TAF1B: variants seen among roughly 807,000 people sequenced by gnomAD.
The protein encoded by TAF1B is TATA-box binding protein associated factor, RNA polymerase I subunit B.
In TAF1B, 61 loss-of-function variants were observed where a neutral mutation model predicts 83.9. That is an observed-to-expected ratio of 0.73 (90% CI 0.59 to 0.90). TAF1B has a LOEUF of 0.90. TAF1B is among the 40% of genes least tolerant of loss of function. TAF1B has a pLI of 0.00. For synonymous variants in TAF1B, 221 were observed against 224.6 expected (o/e 0.98, Z 0.14); for missense variants, 625 against 677.0 (o/e 0.92, Z 0.85).
intron 4 of TAF1B, chr2:9,852,249 TCTTTGA>T: frequency 5.0e-6 from 1 of 201,126 alleles, no homozygotes; most frequent in Non-Finnish European, 1.0e-5. Context: ...TGGGGACCAC[TCTTTGA>T]CTTTGCTGCC....
chr2:9,866,161 G>A (rs1304321701), intron 5 of TAF1B, among the ~76,000 whole-genome samples: 1 of 150,220 alleles, frequency 6.7e-6, no homozygotes, highest in Non-Finnish European at 1.5e-5. Context: ...CCTACAGAAT[G>A]GGAGAAAATT....
intron 14 of TAF1B, among the ~76,000 whole-genome samples, chr2:9,921,223 C>T (rs1665868819): frequency 6.6e-6 from 1 of 152,110 alleles, no homozygotes; most frequent in Non-Finnish European, 1.5e-5. Context: ...TTCCAAGTAG[C>T]TGGAACTACA....
chr2:9,882,916 A>T, intron 8 of TAF1B, 111 bp downstream of exon 8: 4 of 683,344 alleles, frequency 5.9e-6, no homozygotes, highest in Non-Finnish European at 9.7e-6. Context: ...TTATCCCAAT[A>T]TGGAACATCA....
rs1664552747 is a variant in TAF1B at position 9,882,824 on chromosome 2, T to C, written c.807+19T>C. 6.5e-7 allele frequency: 1 copy of C among 1,533,890 alleles called. No homozygotes were observed. Among genetic ancestry groups the C allele is most frequent in the Admixed American group, 1.8e-5 (1 of 54,464 alleles). ...TATAGAGGTAAGTTATTTTCTTTTT[T>C]ACTTTCTAGTCTCTGATAAGGCACA... On this transcript the variant is annotated intron_variant, in intron 8 of 14. Coordinates refer to ENST00000263663, the MANE Select transcript of TAF1B (RefSeq NM_005680.3).
chr2:9,885,517 C>A (rs1280470244), intron 8 of TAF1B, among the ~76,000 whole-genome samples: 2 of 152,124 alleles, frequency 1.3e-5, no homozygotes, highest in Non-Finnish European at 1.5e-5. Flanking sequence ...CTGGTTTCAC[C>A]CTTAGAACAA....
At chr2:9,897,577 G>T (rs979297427) in intron 8 of TAF1B, among the ~76,000 whole-genome samples, 3 of 152,254 alleles carry the variant, frequency 2.0e-5, no homozygotes, top group Admixed American at 6.5e-5. Flanking sequence ...AACCCACTGC[G>T]TGGCACTTAG....
intron 8 of TAF1B, among the ~76,000 whole-genome samples, chr2:9,890,067 T>G (rs1478974538): frequency 6.6e-6 from 1 of 152,186 alleles, no homozygotes. Context: ...GTACTAAGCT[T>G]GCAAATTTTA....
chr2:9,879,169 T>G (rs2125152855), intron 7 of TAF1B, among the ~76,000 whole-genome samples: 1 of 152,352 alleles, frequency 6.6e-6, no homozygotes, highest in Admixed American at 6.5e-5. Context: ...AATTTATAAG[T>G]TAGGCATAGT....
intron 3 of TAF1B, among the ~76,000 whole-genome samples, chr2:9,849,877 T>G (rs1333149914): frequency 6.6e-6 from 1 of 152,186 alleles, no homozygotes; most frequent in African/African-American, 2.4e-5. Flanking sequence ...TTGAGAAGGA[T>G]CTTAGGTAAA....
intron 8 of TAF1B, among the ~76,000 whole-genome samples, chr2:9,887,980 G>GTAGCT (rs1310516236): frequency 6.6e-6 from 1 of 151,918 alleles, no homozygotes; most frequent in African/African-American, 2.4e-5. Flanking sequence ...AGCCTCCCTA[G>GTAGCT]TAGCTAGGAC....
At chr2:9,854,475 A>T (rs1199502164) in intron 5 of TAF1B, 54 bp downstream of exon 5, 1 of 1,322,730 alleles carries the variant, frequency 7.6e-7, no homozygotes, top group Non-Finnish European at 1.1e-6. Flanking sequence ...TGAGATGTAG[A>T]GATGAAGATG....
chr2:9,904,623 GC>G lies in TAF1B; in HGVS notation c.808-235del, dbSNP rs1414758119. On this transcript the variant is annotated intron_variant, in intron 8 of 14. Coordinates refer to ENST00000263663, the MANE Select transcript of TAF1B (RefSeq NM_005680.3). Reference sequence around the variant, plus strand: ...TATATATCCAGTAATAGGTTTGCTGGCTTGAATGGCAGCTCTGTTTTAAGTT... The same window carrying G: ...TATATATCCAGTAATAGGTTTGCTGGTTGAATGGCAGCTCTGTTTTAAGTT... 2.6e-5 allele frequency among the ~76,000 whole-genome samples: 4 copies of G among 152,284 alleles called. No individual in the cohort carries two copies. In the South Asian group the frequency reaches 8.3e-4, roughly 32 times the overall value.
chr2:9,851,970 A>C (rs778608473), intron 4 of TAF1B: 77 of 494,882 alleles, frequency 1.6e-4, no homozygotes, highest in Admixed American at 3.0e-4. Context: ...ATTTCCAGGG[A>C]ATGTCCTGTG....
intron 5 of TAF1B, among the ~76,000 whole-genome samples, chr2:9,860,083 G>T (rs1034146993): frequency 5.3e-5 from 8 of 152,138 alleles, no homozygotes; most frequent in Admixed American, 3.3e-4. Context: ...AAAACAGTCA[G>T]ATCTCATGAG....
intron 14 of TAF1B, among the ~76,000 whole-genome samples, chr2:9,933,140 T>C (rs1338528442): frequency 6.6e-6 from 1 of 152,204 alleles, no homozygotes; most frequent in African/African-American, 2.4e-5. Flanking sequence ...CCCGCCCTGC[T>C]TCGGCTCACC....
intron 8 of TAF1B, among the ~76,000 whole-genome samples, chr2:9,901,196 C>T (rs1665167875): frequency 1.3e-5 from 2 of 151,940 alleles, no homozygotes; most frequent in African/African-American, 4.8e-5. Flanking sequence ...GATTGAAAAC[C>T]TTTAGCCACC....
chr2:9,849,055 A>G (rs954284341), intron 2 of TAF1B, among the ~76,000 whole-genome samples: 1 of 152,242 alleles, frequency 6.6e-6, no homozygotes, highest in Non-Finnish European at 1.5e-5. Context: ...GTGTGGAGAA[A>G]AAAGTGAGTA....
chr2:9,892,483 C>A lies in TAF1B; in HGVS notation c.807+9678C>A, dbSNP rs1250334302. On this transcript the variant is annotated intron_variant, in intron 8 of 14. Coordinates refer to ENST00000263663, the MANE Select transcript of TAF1B (RefSeq NM_005680.3). ...TTGACCAACAACTCCGCATTCCCTC[C>A]CTCCTCAGCTTCACCCAGCCTTAGA... 2.0e-5 allele frequency among the ~76,000 whole-genome samples: 3 copies of A among 152,292 alleles called. No homozygotes were observed. The East Asian group carries it at 5.8e-4, about 29-fold the overall frequency.
intron 5 of TAF1B, among the ~76,000 whole-genome samples, chr2:9,861,318 A>G (rs901712585): frequency 6.6e-6 from 1 of 152,254 alleles, no homozygotes; most frequent in Non-Finnish European, 1.5e-5. Flanking sequence ...CCTGGCTTGG[A>G]GGGTGCTATG....
Sources: allele counts gnomAD v4.1 joint callset (sites outside exome capture counted in the v4.1 genomes callset), GRCh38; gene constraint gnomAD v4.1.1; transcripts MANE v1.5; gene names NCBI Gene and HGNC (gene_info 2026-07-23, HGNC 2026-07-21).